NRG1: variants seen among roughly 807,000 people sequenced by gnomAD.
NRG1 encodes the protein pro-neuregulin-1, membrane-bound isoform.
In NRG1, 18 loss-of-function variants were observed where a neutral mutation model predicts 63.8. The observed-to-expected ratio is 0.28, with a 90% CI of 0.19 to 0.42. The LOEUF (loss-of-function observed/expected upper bound fraction) is 0.42. Ranked by LOEUF, NRG1 falls within the 10% of genes least tolerant of loss-of-function variation. The pLI is 1.00. For synonymous variants in NRG1, 302 were observed against 301.3 expected (o/e 1.00, Z -0.02); for missense variants, 762 against 814.7 (o/e 0.94, Z 0.79).
At chr8:32,318,046 T>C (rs1800969000) in intron 1 of NRG1, among the ~76,000 whole-genome samples, 1 of 152,160 alleles carries the variant, frequency 6.6e-6, no homozygotes, top group African/African-American at 2.4e-5. Context: ...AGATAAAATA[T>C]TAAGTCTTAA....
At chr8:31,915,299 G>C (rs1366388363) in intron 1 of NRG1, among the ~76,000 whole-genome samples, 1 of 152,034 alleles carries the variant, frequency 6.6e-6, no homozygotes, top group Non-Finnish European at 1.5e-5. Context: ...AAATAGCTAA[G>C]ACCATAAATT....
chr8:31,798,320 A>G (rs1163100869), intron 1 of NRG1, among the ~76,000 whole-genome samples: 2 of 152,222 alleles, frequency 1.3e-5, no homozygotes, highest in Non-Finnish European at 2.9e-5. Flanking sequence ...ATCACTCTGT[A>G]TACTATAAGT....
chr8:31,731,414 T>TCA (rs1478363452), intron 1 of NRG1, among the ~76,000 whole-genome samples: 62 of 87,830 alleles, frequency 7.1e-4, no homozygotes, highest in Non-Finnish European at 1.2e-3. Flanking sequence ...CAAAATTATG[T>TCA]CATACACACA....
chr8:31,780,924 G>C (rs570466240), intron 1 of NRG1, among the ~76,000 whole-genome samples: 1 of 152,184 alleles, frequency 6.6e-6, no homozygotes, highest in South Asian at 2.1e-4. Context: ...GATCCTATCT[G>C]GCTTCAATAT....
At chr8:31,718,301 C>T (rs751236847) in intron 1 of NRG1, among the ~76,000 whole-genome samples, 1 of 151,982 alleles carries the variant, frequency 6.6e-6, no homozygotes, top group Non-Finnish European at 1.5e-5. Flanking sequence ...GTACCTGCTT[C>T]GAAAAATGGG....
intron 1 of NRG1, among the ~76,000 whole-genome samples, chr8:31,866,977 T>C (rs1829015762): frequency 1.3e-5 from 2 of 152,156 alleles, no homozygotes; most frequent in Admixed American, 1.3e-4. Flanking sequence ...ATTTTTAAAA[T>C]AGATATAACA....
At chr8:32,485,640 A>G (rs1479266060) in intron 1 of NRG1, among the ~76,000 whole-genome samples, 1 of 152,248 alleles carries the variant, frequency 6.6e-6, no homozygotes, top group Non-Finnish European at 1.5e-5. Flanking sequence ...AATGAAATTA[A>G]CTACTAGTTT....
chr8:32,141,544 GTA>G lies in NRG1; in HGVS notation c.38-454275_38-454274del, dbSNP rs1260864263. Reference sequence around the variant, plus strand: ...TAAGTGTGTGTGTGTGTGTGTGTGTGTATATATATACTTTATATATGTATATA... The same window carrying G: ...TAAGTGTGTGTGTGTGTGTGTGTGTGTATATATACTTTATATATGTATATA... On this transcript the variant is annotated intron_variant, in intron 1 of 10. Transcript: ENST00000519301. Among the ~76,000 whole-genome samples, 245 of 102,344 alleles carry G rather than the reference GTA, an allele frequency of 2.4e-3. 1 individual carries two copies. The highest frequency in any genetic ancestry group is 3.5e-3 in the Non-Finnish European group (159 of 45,320). The allele number at this position is 102,344 out of a possible 152,430, so 67.1% of individuals were successfully genotyped here.
At chr8:32,403,070 G>A (rs775598772) in intron 1 of NRG1, among the ~76,000 whole-genome samples, 5 of 151,810 alleles carry the variant, frequency 3.3e-5, no homozygotes, top group African/African-American at 4.8e-5. Flanking sequence ...AGGCCAAGAC[G>A]GGTGGATCAC....
intron 1 of NRG1, among the ~76,000 whole-genome samples, chr8:32,341,287 T>A (rs1274457378): frequency 6.6e-6 from 1 of 152,234 alleles, no homozygotes; most frequent in Non-Finnish European, 1.5e-5. Context: ...CATACTTCTT[T>A]CAGAATAATT....
In NRG1 at chr8:32,467,417, C is replaced by CT. The variant is rs1473162493; in HGVS notation, c.38-128406dup. Among the ~76,000 whole-genome samples, 4 of 152,106 alleles carry CT rather than the reference C, an allele frequency of 2.6e-5. No homozygotes were observed. The East Asian group carries it at 5.8e-4, about 22-fold the overall frequency. On this transcript the variant is annotated intron_variant, in intron 1 of 10. Transcript: ENST00000519301. ...TGCCCTGAATGCATGAGTATGCAGC[C>CT]TTTTTATCGTAGGCTTGTCATCTCC...
chr8:31,809,460 TTC>T (rs1822638663), intron 1 of NRG1, among the ~76,000 whole-genome samples: 1 of 149,994 alleles, frequency 6.7e-6, no homozygotes. Flanking sequence ...TCTGTTTCTG[TTC>T]TCTGTCTTAA....
chr8:32,686,516 A>C (rs1339636307), intron 5 of NRG1, among the ~76,000 whole-genome samples: 2 of 152,208 alleles, frequency 1.3e-5, no homozygotes, highest in African/African-American at 4.8e-5. Context: ...GTGCTTCTTC[A>C]TGTGTCAGCC....
At chr8:32,723,071 TTAGTAA>T (rs750155752) in intron 5 of NRG1, among the ~76,000 whole-genome samples, 3 of 152,232 alleles carry the variant, frequency 2.0e-5, no homozygotes, top group Non-Finnish European at 4.4e-5. Flanking sequence ...ATTTATGTCA[TTAGTAA>T]TAGTAACAGT....
exon 1 of NRG1, chr8:31,639,380 C>G: frequency 6.5e-7 from 1 of 1,534,618 alleles, no homozygotes; most frequent in Non-Finnish European, 8.7e-7. Context: ...GGTCCCGCTC[C>G]GCTCCGGCAG....
chr8:31,829,497 G>A (rs1824900562), intron 1 of NRG1, among the ~76,000 whole-genome samples: 1 of 152,130 alleles, frequency 6.6e-6, no homozygotes, highest in African/African-American at 2.4e-5. Context: ...ATATACTTGG[G>A]TAAAATTTTG....
chr8:32,519,355 G>C (rs1363399607), intron 1 of NRG1, among the ~76,000 whole-genome samples: 2 of 151,870 alleles, frequency 1.3e-5, no homozygotes, highest in Admixed American at 6.6e-5. Flanking sequence ...AAATAGATTT[G>C]AATGGATGGC....
chr8:31,902,689 C>T (rs1256694280), intron 1 of NRG1, among the ~76,000 whole-genome samples: 1 of 151,674 alleles, frequency 6.6e-6, no homozygotes, highest in African/African-American at 2.4e-5. Flanking sequence ...TATTTGTGTG[C>T]AATATCCAGA....
Position 32,653,145 on chromosome 8 carries a change from G to T in NRG1, c.502+36260G>T, listed in dbSNP as rs867282382. On this transcript the variant is annotated intron_variant, in intron 5 of 11. Coordinates refer to ENST00000356819, the Ensembl canonical transcript of NRG1. ...TTGGTTTTTTTTTGTTTGTTTGTTTGTTTGTTTGTTTTTCATTCAGTGAAT... is the reference window on the plus strand; with the variant it reads ...TTGGTTTTTTTTTGTTTGTTTGTTTTTTTGTTTGTTTTTCATTCAGTGAAT... Among the ~76,000 whole-genome samples the T allele has an allele frequency of 9.8e-4, 146 of 148,550 alleles. 1 individual carries two copies. The highest frequency in any genetic ancestry group is 6.8e-3 in the Middle Eastern group (2 of 292).
Sources: allele counts gnomAD v4.1 joint callset (sites outside exome capture counted in the v4.1 genomes callset), GRCh38; gene constraint gnomAD v4.1.1; transcripts MANE v1.5; gene names NCBI Gene and HGNC (gene_info 2026-07-23, HGNC 2026-07-21).